Variants in GARIN2 observed in about 807,000 individuals in gnomAD.
GARIN2 encodes the protein Golgi-associated RAB2 interactor protein 2.
At chr14:67,196,717 C>T in the GARIN2 span, 1 of 152,204 alleles carries the variant, frequency 6.6e-6, no homozygotes, top group Admixed American at 6.5e-5. Flanking sequence ...CAATTATGAG[C>T]TATGGACTCA....
chr14:67,199,276 G>T, the GARIN2 span: 76 of 1,601,748 alleles, frequency 4.7e-5, 1 homozygote, highest in Middle Eastern at 3.3e-4. Flanking sequence ...ATGCCATTAA[G>T]ATCATGAACA....
At chr14:67,214,140 C>A in the GARIN2 span, among the ~76,000 whole-genome samples, 1 of 152,130 alleles carries the variant, frequency 6.6e-6, no homozygotes, top group South Asian at 2.1e-4. Flanking sequence ...ATGTTAGTTT[C>A]TTTTGCTGTG....
At chr14:67,206,002 G>A in the GARIN2 span, among the ~76,000 whole-genome samples, 1 of 152,050 alleles carries the variant, frequency 6.6e-6, no homozygotes, top group Non-Finnish European at 1.5e-5. Context: ...TGGGAAACAT[G>A]GCGAAACCCC....
chr14:67,199,189 A>C, the GARIN2 span: 1 of 1,606,114 alleles, frequency 6.2e-7, no homozygotes, highest in Non-Finnish European at 8.5e-7. Context: ...GTCAACACCC[A>C]CATGCCAAAG....
chr14:67,196,418 C>T, the GARIN2 span, among the ~76,000 whole-genome samples: 155 of 151,996 alleles, frequency 1.0e-3, no homozygotes, highest in Non-Finnish European at 1.0e-3. Context: ...GATTTCACGA[C>T]GTTGGCCAGG....
chr14:67,208,263 T>G, the GARIN2 span: 2 of 1,613,988 alleles, frequency 1.2e-6, no homozygotes, highest in Non-Finnish European at 1.7e-6. Flanking sequence ...AAGAGTGAGT[T>G]GAAAGAATCC....
At chr14:67,200,192 C>A in the GARIN2 span, 1 of 1,142,030 alleles carries the variant, frequency 8.8e-7, no homozygotes. Flanking sequence ...GGACTTCCTC[C>A]ACTGATGCCC....
the GARIN2 span, chr14:67,204,468 T>C: frequency 1.4e-6 from 2 of 1,465,716 alleles, no homozygotes; most frequent in African/African-American, 1.4e-5. Context: ...TATATATATA[T>C]ATAAGAAAGG....
the GARIN2 span, chr14:67,199,238 G>A: frequency 3.1e-6 from 5 of 1,602,778 alleles, no homozygotes; most frequent in Non-Finnish European, 4.3e-6. Context: ...ATGACTTTGT[G>A]AATTCTTGAG....
chr14:67,214,716 G>A, the GARIN2 span, among the ~76,000 whole-genome samples: 5 of 152,070 alleles, frequency 3.3e-5, no homozygotes, highest in Non-Finnish European at 7.4e-5. Context: ...GTCATTGGTA[G>A]CTTGATGGGG....
the GARIN2 span, among the ~76,000 whole-genome samples, chr14:67,211,407 C>T: frequency 6.6e-6 from 1 of 152,038 alleles, no homozygotes; most frequent in African/African-American, 2.4e-5. Flanking sequence ...CACTATACTA[C>T]CCAATAAACT....
chr14:67,199,656 ACC>A, the GARIN2 span: 9 of 1,578,156 alleles, frequency 5.7e-6, no homozygotes, highest in Non-Finnish European at 7.8e-6. Flanking sequence ...GCAGCTCAGA[ACC>A]CGCTCTCCCA....
At chr14:67,212,404 A>G in the GARIN2 span, among the ~76,000 whole-genome samples, 1 of 151,756 alleles carries the variant, frequency 6.6e-6, no homozygotes, top group Non-Finnish European at 1.5e-5. Flanking sequence ...CCTGGGCAAC[A>G]TTGCAAAACC....
At chr14:67,196,556 A>T in the GARIN2 span, among the ~76,000 whole-genome samples, 5 of 152,166 alleles carry the variant, frequency 3.3e-5, no homozygotes, top group African/African-American at 1.2e-4. Context: ...AGATGTCAAC[A>T]AAAGGTTTTC....
chr14:67,208,080 A>C, the GARIN2 span: 5 of 1,388,182 alleles, frequency 3.6e-6, no homozygotes, highest in African/African-American at 1.4e-5. Flanking sequence ...CCTCCTTACT[A>C]CTCCTCACGG....
the GARIN2 span, among the ~76,000 whole-genome samples, chr14:67,224,396 C>G: frequency 5.3e-4 from 81 of 151,816 alleles, no homozygotes; most frequent in South Asian, 2.7e-3. Context: ...GTAGCTGGGA[C>G]TACAGATGCG....
chr14:67,226,142 C>T, the GARIN2 span, among the ~76,000 whole-genome samples: 1 of 152,144 alleles, frequency 6.6e-6, no homozygotes, highest in Non-Finnish European at 1.5e-5. Flanking sequence ...ACTCTGCCAC[C>T]AAAGCCAGCT....
chr14:67,225,649 T>C, the GARIN2 span, among the ~76,000 whole-genome samples: 203 of 152,316 alleles, frequency 1.3e-3, 1 homozygote, highest in Non-Finnish European at 2.5e-3. Context: ...CAGATATTCG[T>C]AGAGTGCCTG....
chr14:67,220,818 T>C, the GARIN2 span, among the ~76,000 whole-genome samples: 1 of 152,238 alleles, frequency 6.6e-6, no homozygotes. Context: ...TTGCAAACTG[T>C]ATAGAAAATT....
Sources: gnomAD v4.1 joint callset for allele counts (sites outside exome capture counted in the v4.1 genomes callset) on GRCh38, gnomAD v4.1.1 for gene constraint, MANE v1.5 for transcripts, NCBI Gene and HGNC (gene_info 2026-07-23, HGNC 2026-07-21) for gene names.